The following INSL6 variants were observed in gnomAD, a reference collection of about 807,000 sequenced individuals.
The protein encoded by INSL6 is insulin like 6, also known as insulin-like peptide INSL6.
In INSL6, 16 loss-of-function variants were observed where a neutral mutation model predicts 9.4. The observed-to-expected ratio is 1.70, with a 90% confidence interval of 1.15 to 2.59. The LOEUF is 2.59. INSL6 is among the 30% of genes most tolerant of loss of function. The pLI is 0.00. For synonymous variants in INSL6, 154 were observed against 96.9 expected, an observed-to-expected ratio of 1.59 and a Z score of -3.46; for missense variants, 391 against 257.3, an observed-to-expected ratio of 1.52 and a Z score of -3.56.
At chr9:5,149,056 C>A (rs1260030520) in intron 2 of INSL6, among the ~76,000 whole-genome samples, 3 of 152,214 alleles carry the variant, frequency 2.0e-5, no homozygotes, top group Non-Finnish European at 4.4e-5. Context: ...TCTGCCAGAG[C>A]TGCCCCAAAG....
chr9:5,173,454 T>C (rs984981830), intron 1 of INSL6, among the ~76,000 whole-genome samples: 20 of 152,176 alleles, frequency 1.3e-4, no homozygotes, highest in African/African-American at 4.8e-4. Flanking sequence ...ATCATGTCCT[T>C]TGCAGGGAAA....
At chr9:5,080,934 C>T in the INSL6 span, among the ~76,000 whole-genome samples, 12 of 127,198 alleles carry the variant, frequency 9.4e-5, no homozygotes, top group African/African-American at 2.6e-4. Flanking sequence ...CTTACTCTGT[C>T]GCCCAGGCTG....
chr9:5,058,844 G>C, the INSL6 span, among the ~76,000 whole-genome samples: 3 of 152,112 alleles, frequency 2.0e-5, no homozygotes, highest in African/African-American at 7.2e-5. Context: ...CTTCTTTGAA[G>C]AAATATATAT....
chr9:5,087,347 G>C, the INSL6 span, among the ~76,000 whole-genome samples: 1 of 152,202 alleles, frequency 6.6e-6, no homozygotes, highest in African/African-American at 2.4e-5. Context: ...ACTATCACGA[G>C]AACAGCATGG....
At chr9:5,026,546 T>G in the INSL6 span, among the ~76,000 whole-genome samples, 1 of 152,180 alleles carries the variant, frequency 6.6e-6, no homozygotes. Flanking sequence ...ATAAAATACT[T>G]TTGTGTTCTG....
chr9:5,024,319 G>A, the INSL6 span, among the ~76,000 whole-genome samples: 3 of 152,094 alleles, frequency 2.0e-5, no homozygotes, highest in Non-Finnish European at 4.4e-5. Context: ...GCTTTAGCTT[G>A]TAAGATTTTT....
chr9:5,115,062 G>A, the INSL6 span, among the ~76,000 whole-genome samples: 2 of 152,162 alleles, frequency 1.3e-5, no homozygotes, highest in African/African-American at 4.8e-5. Flanking sequence ...AGCCAAAATA[G>A]ACAGATGGGA....
the INSL6 span, among the ~76,000 whole-genome samples, chr9:5,011,809 C>T: frequency 2.6e-5 from 4 of 152,154 alleles, no homozygotes; most frequent in African/African-American, 7.2e-5. Context: ...CTTGATCCTG[C>T]GGAGGCTTGG....
At chr9:5,141,487 C>G (rs912844670) in intron 2 of INSL6, among the ~76,000 whole-genome samples, 20 of 152,060 alleles carry the variant, frequency 1.3e-4, no homozygotes, top group Non-Finnish European at 5.9e-5. Flanking sequence ...GATTGTTGGC[C>G]ACATGTATGT....
the INSL6 span, among the ~76,000 whole-genome samples, chr9:5,072,909 A>G: frequency 4.5e-4 from 68 of 152,218 alleles, no homozygotes; most frequent in Non-Finnish European, 1.8e-4. Flanking sequence ...GGCTCCCCAG[A>G]GCTTTATGGG....
At chr9:5,111,580 A>G in the INSL6 span, 6 of 364,612 alleles carry the variant, frequency 1.6e-5, no homozygotes, top group South Asian at 1.0e-4. Context: ...TGCACCCCTA[A>G]GCCGAGCTCT....
chr9:5,162,242 G>A (rs1824942905), downstream of INSL6, among the ~76,000 whole-genome samples: 3 of 151,272 alleles, frequency 2.0e-5, no homozygotes, highest in Admixed American at 1.3e-4. Context: ...TTTCAATTTG[G>A]GATTGCTCTA....
intron 1 of INSL6, among the ~76,000 whole-genome samples, chr9:5,180,076 GA>G (rs1353100374): frequency 3.9e-5 from 6 of 152,230 alleles, no homozygotes; most frequent in Non-Finnish European, 8.8e-5. Flanking sequence ...CAGGGACCCT[GA>G]ACGGAGGGAC....
the INSL6 span, among the ~76,000 whole-genome samples, chr9:5,010,160 T>C: frequency 4.6e-5 from 7 of 152,338 alleles, no homozygotes; most frequent in African/African-American, 1.7e-4. Context: ...TGTAAATTTC[T>C]GATTTGCTGA....
At chr9:5,171,201 G>A (rs756940879) in intron 1 of INSL6, among the ~76,000 whole-genome samples, 11 of 152,166 alleles carry the variant, frequency 7.2e-5, no homozygotes, top group Non-Finnish European at 1.5e-4. Context: ...ATCAATAAAT[G>A]TAATTAATCA....
At chr9:5,158,416 A>C (rs908026707) in intron 2 of INSL6, among the ~76,000 whole-genome samples, 3 of 152,220 alleles carry the variant, frequency 2.0e-5, no homozygotes, top group Admixed American at 2.0e-4. Context: ...AGACTGCCTC[A>C]TGGTAATTAA....
chr9:5,098,301 T>C, the INSL6 span: 5 of 152,158 alleles, frequency 3.3e-5, no homozygotes, highest in African/African-American at 7.2e-5. Context: ...TTACGTAACT[T>C]TGTCAAAGTT....
chr9:5,077,926 G>A, the INSL6 span, among the ~76,000 whole-genome samples: 1 of 152,152 alleles, frequency 6.6e-6, no homozygotes, highest in Non-Finnish European at 1.5e-5. Context: ...AAGCGGTGTT[G>A]ACAGAGAAGA....
At chr9:5,036,795 A>G in the INSL6 span, among the ~76,000 whole-genome samples, 18 of 152,016 alleles carry the variant, frequency 1.2e-4, no homozygotes, top group Admixed American at 7.2e-4. Context: ...TCAGGACATA[A>G]GCATGGGCAA....
Sources: allele counts gnomAD v4.1 joint callset (sites outside exome capture counted in the v4.1 genomes callset), GRCh38; gene constraint gnomAD v4.1.1; transcripts MANE v1.5; gene names NCBI Gene and HGNC (gene_info 2026-07-23, HGNC 2026-07-21).